RGL1: variants seen among roughly 807,000 people sequenced by gnomAD.
The protein encoded by RGL1 is ral guanine nucleotide dissociation stimulator like 1.
Under a neutral mutation model 95.2 loss-of-function variants are expected in RGL1, and 24 were observed. The observed-to-expected ratio is 0.25, with a 90% CI of 0.18 to 0.35. The LOEUF is 0.35. Ranked by LOEUF, RGL1 falls within the 10% of genes least tolerant of loss-of-function variation. The pLI is 1.00. For synonymous variants in RGL1, 329 were observed against 344.9 expected (o/e 0.95, Z 0.51); for missense variants, 715 against 936.3 (o/e 0.76, Z 3.08).
Position 183,907,033 on chromosome 1 carries a change from T to G in RGL1, c.1494T>G (p.Ile498Met), listed in dbSNP as rs770515511. 16 of 1,611,534 alleles carry G rather than the reference T, an allele frequency of 9.9e-6. No homozygotes were observed. In the African/African-American group the frequency reaches 1.9e-4, roughly 19 times the overall value. The part of the protein sequence containing the change: ...EEESYALSCE[I>M]EAAADASTTS... Reference sequence around the variant, plus strand: ...TCAGCTATGCCCTGTCATGTGAGATTGAAGCAGCTGCTGACGCCAGCACCA... The same window carrying G: ...TCAGCTATGCCCTGTCATGTGAGATGGAAGCAGCTGCTGACGCCAGCACCA... The change falls in exon 14 of 18, where the codon ATT (isoleucine) becomes ATG (methionine). Residue 498 changes from isoleucine to methionine, a missense_variant. By Grantham distance (10) the Ile-to-Met change is conservative. Coordinates refer to ENST00000360851, the MANE Select transcript of RGL1 (RefSeq NM_001297671.3).
chr1:183,786,917 A>C (rs941354496), intron 2 of RGL1, among the ~76,000 whole-genome samples: 4 of 152,210 alleles, frequency 2.6e-5, no homozygotes, highest in Non-Finnish European at 5.9e-5. Flanking sequence ...TTGCAAATTG[A>C]AAAGTGACAG....
chr1:183,658,457 T>G (rs1467782103), intron 1 of RGL1, among the ~76,000 whole-genome samples: 3 of 152,102 alleles, frequency 2.0e-5, no homozygotes, highest in African/African-American at 7.2e-5. Context: ...CGCTGATTGC[T>G]AGCACAGCAG....
At chr1:183,805,971 C>CTTTTCTTT (rs1661282214) in intron 1 of RGL1, among the ~76,000 whole-genome samples, 1 of 74,672 alleles carries the variant, frequency 1.3e-5, no homozygotes, top group African/African-American at 5.1e-5. Flanking sequence ...CTTTTCTTTT[C>CTTTTCTTT]TTTTTTTTTT....
At chr1:183,707,837 A>G (rs1655013940) in intron 1 of RGL1, among the ~76,000 whole-genome samples, 1 of 150,988 alleles carries the variant, frequency 6.6e-6, no homozygotes, top group African/African-American at 2.4e-5. Context: ...GGGCTGGGAG[A>G]GGTAGACAGC....
At chr1:183,872,100 C>T (rs138387080) in intron 4 of RGL1, among the ~76,000 whole-genome samples, 1 of 152,292 alleles carries the variant, frequency 6.6e-6, no homozygotes, top group East Asian at 1.9e-4. Flanking sequence ...TCTACCCGTG[C>T]CCTTTTCCTG....
At chr1:183,779,999 A>G (rs1251955739) in intron 2 of RGL1, among the ~76,000 whole-genome samples, 1 of 152,214 alleles carries the variant, frequency 6.6e-6, no homozygotes, top group African/African-American at 2.4e-5. Context: ...AGTGTCTAAA[A>G]TGTTGATTCA....
intron 1 of RGL1, among the ~76,000 whole-genome samples, chr1:183,638,048 G>A (rs193213175): frequency 3.4e-4 from 52 of 152,208 alleles, no homozygotes; most frequent in Non-Finnish European, 3.5e-4. Flanking sequence ...ACTATTGACA[G>A]CAAATGGAAA....
At chr1:183,826,003 T>A (rs1304766861) in intron 2 of RGL1, among the ~76,000 whole-genome samples, 8 of 70,770 alleles carry the variant, frequency 1.1e-4, no homozygotes. Flanking sequence ...TTTCTATTTT[T>A]AAAATCAATC....
chr1:183,640,157 C>A (rs1003582817), intron 1 of RGL1, among the ~76,000 whole-genome samples: 14 of 152,176 alleles, frequency 9.2e-5, no homozygotes, highest in African/African-American at 3.4e-4. Flanking sequence ...TTTTATTTGG[C>A]AAAAGGAGAA....
chr1:183,893,880 GTGTTCAGAAGCTAT>G (rs1667553235), intron 9 of RGL1, among the ~76,000 whole-genome samples: 1 of 152,174 alleles, frequency 6.6e-6, no homozygotes. Flanking sequence ...CATGCAGTAA[GTGTTCAGAAGCTAT>G]TGTTTGGCTG....
intron 8 of RGL1, among the ~76,000 whole-genome samples, chr1:183,890,163 G>A (rs905633597): frequency 1.3e-5 from 2 of 152,084 alleles, no homozygotes; most frequent in Non-Finnish European, 2.9e-5. Context: ...ACAGTCAAGT[G>A]TTAAAATGTA....
intron 2 of RGL1, among the ~76,000 whole-genome samples, chr1:183,811,297 A>G (rs1375934904): frequency 6.6e-6 from 1 of 152,234 alleles, no homozygotes; most frequent in African/African-American, 2.4e-5. Context: ...TGTTGAAGAA[A>G]AAAAAGGCAA....
Position 183,796,227 on chromosome 1 carries a change from C to T in RGL1, c.133-10148C>T, listed in dbSNP as rs559637872. Among the ~76,000 whole-genome samples the T allele has an allele frequency of 2.7e-5, 4 of 148,010 alleles. No individual in the cohort carries two copies. The South Asian group carries it at 6.5e-4, about 24-fold the overall frequency. ...GCCACCAGGCTGGAGTGCAGTGGCG[C>T]GATCTCGGCTCACTGCAACCTCTGC... is the stretch of plus-strand genomic sequence containing the variant. On this transcript the variant is annotated intron_variant, in intron 2 of 18. Coordinates refer to the RGL1 transcript ENST00000304685.
At chr1:183,831,225 C>T (rs1210647054) in intron 2 of RGL1, among the ~76,000 whole-genome samples, 1 of 152,082 alleles carries the variant, frequency 6.6e-6, no homozygotes, top group Non-Finnish European at 1.5e-5. Context: ...GAAAAGAAGG[C>T]AATAAGGAGC....
intron 2 of RGL1, among the ~76,000 whole-genome samples, chr1:183,842,576 C>G (rs1440006858): frequency 6.6e-6 from 1 of 152,120 alleles, no homozygotes; most frequent in Non-Finnish European, 1.5e-5. Context: ...TTAGAAAAAG[C>G]TGGATTCTAA....
intron 2 of RGL1, among the ~76,000 whole-genome samples, chr1:183,772,307 T>G (rs757739717): frequency 6.6e-6 from 1 of 152,162 alleles, no homozygotes; most frequent in Non-Finnish European, 1.5e-5. Context: ...AACTGTAAAC[T>G]CTGCTGTGGG....
chr1:183,865,911 T>G (rs1247292948), intron 3 of RGL1, 85 bp from the exon 4 acceptor site: 4 of 878,374 alleles, frequency 4.6e-6, no homozygotes, highest in Admixed American at 3.7e-5. Context: ...AAAGTATAAC[T>G]GTCACTTTGT....
chr1:183,655,689 G>T (rs1651106124), intron 1 of RGL1, among the ~76,000 whole-genome samples: 1 of 152,212 alleles, frequency 6.6e-6, no homozygotes, highest in Non-Finnish European at 1.5e-5. Flanking sequence ...AGTCTTAACA[G>T]CAGAGAGCTT....
At chr1:183,678,895 C>A (rs974033723) in intron 1 of RGL1, among the ~76,000 whole-genome samples, 3 of 152,158 alleles carry the variant, frequency 2.0e-5, no homozygotes, top group Non-Finnish European at 2.9e-5. Flanking sequence ...ACTGTTAGTC[C>A]CCTTTTACAA....
Sources: allele counts gnomAD v4.1 joint callset (sites outside exome capture counted in the v4.1 genomes callset), GRCh38; gene constraint gnomAD v4.1.1; transcripts MANE v1.5; gene names NCBI Gene and HGNC (gene_info 2026-07-23, HGNC 2026-07-21).